The following TRPM3 variants were observed in gnomAD, a reference collection of about 807,000 sequenced individuals.
The protein encoded by TRPM3 is transient receptor potential cation channel subfamily M member 3.
TRPM3 carries 77 observed loss-of-function variants against 181.2 expected under a neutral mutation model. The observed-to-expected ratio is 0.42, with a 90% CI of 0.35 to 0.51. TRPM3 has a LOEUF of 0.51. Among genes scored for constraint, TRPM3 ranks in the 20% least tolerant of loss-of-function variants. The pLI, the probability that TRPM3 is intolerant of heterozygous loss-of-function variation, is 0.01. For missense variants in TRPM3, 1,759 were observed against 2,196.7 expected (o/e 0.80, Z 3.98); for synonymous variants, 745 against 796.4 (o/e 0.94, Z 1.09).
At chr9:70,580,096 TAAAAG>T (rs923751254) in intron 22 of TRPM3, among the ~76,000 whole-genome samples, 8 of 152,210 alleles carry the variant, frequency 5.3e-5, no homozygotes, top group Admixed American at 2.6e-4. Flanking sequence ...TTTTGACTCT[TAAAAG>T]AGAAGGTTGT....
intron 1 of TRPM3, among the ~76,000 whole-genome samples, chr9:71,053,252 G>A (rs563687146): frequency 4.6e-5 from 7 of 152,010 alleles, no homozygotes; most frequent in South Asian, 2.1e-4. Flanking sequence ...TGGTGTAGAC[G>A]ATGACGCCAT....
intron 1 of TRPM3, among the ~76,000 whole-genome samples, chr9:71,317,384 A>C (rs1175842451): frequency 2.0e-5 from 3 of 152,216 alleles, no homozygotes; most frequent in Non-Finnish European, 4.4e-5. Context: ...CTGTAATCCC[A>C]GCACTTTGGG....
chr9:70,849,204 G>T (rs2095120857), intron 3 of TRPM3, among the ~76,000 whole-genome samples: 1 of 152,114 alleles, frequency 6.6e-6, no homozygotes, highest in African/African-American at 2.4e-5. Flanking sequence ...GAACACAATG[G>T]CATGATCTCG....
At chr9:70,740,321 T>C (rs1372639697) in intron 8 of TRPM3, among the ~76,000 whole-genome samples, 2 of 152,098 alleles carry the variant, frequency 1.3e-5, no homozygotes, top group Non-Finnish European at 2.9e-5. Flanking sequence ...AAATCATAGA[T>C]GACACAAAAA....
chr9:70,832,163 G>A (rs2093977064), intron 5 of TRPM3, among the ~76,000 whole-genome samples: 1 of 116,824 alleles, frequency 8.6e-6, no homozygotes. Context: ...GAGGGGGGAG[G>A]GATAGCATTG....
rs551152976 is a variant in TRPM3, at chr9:70,698,952, G to A, written c.1273-17374C>T. Among the ~76,000 whole-genome samples, 10 of 151,548 alleles carry A rather than the reference G, an allele frequency of 6.6e-5. No individual in the cohort carries two copies. The South Asian group carries it at 1.9e-3, about 29-fold the overall frequency. Reference sequence around the variant, plus strand: ...GGAACCATGAGCCAATTAAACCTCTGTTCTTTATAAATTACCCAGTCTCAG... The same window carrying A: ...GGAACCATGAGCCAATTAAACCTCTATTCTTTATAAATTACCCAGTCTCAG... On this transcript the variant is annotated intron_variant, in intron 8 of 25. Transcript: ENST00000677713.
chr9:70,569,773 G>A (rs919273377), intron 22 of TRPM3, among the ~76,000 whole-genome samples: 2 of 152,200 alleles, frequency 1.3e-5, no homozygotes, highest in Non-Finnish European at 1.5e-5. Flanking sequence ...CAGGTTTACA[G>A]GGCCAGCTGG....
chr9:70,673,873 T>C (rs1221448419), intron 9 of TRPM3, among the ~76,000 whole-genome samples: 1 of 143,680 alleles, frequency 7.0e-6, no homozygotes, highest in Non-Finnish European at 1.5e-5. Context: ...CACTTGAACC[T>C]GGGAGATGGA....
At chr9:71,217,314 T>A (rs1457384838) in intron 1 of TRPM3, among the ~76,000 whole-genome samples, 1 of 152,162 alleles carries the variant, frequency 6.6e-6, no homozygotes, top group African/African-American at 2.4e-5. Flanking sequence ...GGGTTCATGG[T>A]CATATTTAGC....
chr9:71,080,967 C>G (rs2064223641), intron 1 of TRPM3, among the ~76,000 whole-genome samples: 2 of 152,036 alleles, frequency 1.3e-5, no homozygotes, highest in African/African-American at 4.8e-5. Context: ...CTGGAATCAA[C>G]TGTGTACCTC....
chr9:71,262,967 C>T (rs1266870113), intron 1 of TRPM3, among the ~76,000 whole-genome samples: 5 of 152,212 alleles, frequency 3.3e-5, no homozygotes, highest in Admixed American at 2.6e-4. Context: ...TGGCCATCTC[C>T]TTTACCTTTA....
At chr9:71,269,529 T>C (rs1371000667) in intron 1 of TRPM3, among the ~76,000 whole-genome samples, 1 of 152,208 alleles carries the variant, frequency 6.6e-6, no homozygotes, top group Non-Finnish European at 1.5e-5. Flanking sequence ...AACTACTTTA[T>C]AAAGAGCAAG....
intron 1 of TRPM3, among the ~76,000 whole-genome samples, chr9:71,437,047 G>A (rs1387169079): frequency 6.6e-6 from 1 of 152,076 alleles, no homozygotes; most frequent in Non-Finnish European, 1.5e-5. Context: ...TGAATACAAT[G>A]CCCCAATTAA....
intron 1 of TRPM3, among the ~76,000 whole-genome samples, chr9:71,015,895 G>C (rs145865978): frequency 6.6e-6 from 1 of 151,848 alleles, no homozygotes; most frequent in Non-Finnish European, 1.5e-5. Flanking sequence ...TAATTCACAA[G>C]AGAGGTAAAA....
At chr9:70,634,034 A>G (rs1056663324) in intron 12 of TRPM3, among the ~76,000 whole-genome samples, 1 of 152,214 alleles carries the variant, frequency 6.6e-6, no homozygotes, top group Non-Finnish European at 1.5e-5. Context: ...AAGAACAACC[A>G]CTTGGCTAAG....
intron 1 of TRPM3, among the ~76,000 whole-genome samples, chr9:70,949,017 A>T (rs781573568): frequency 6.6e-5 from 10 of 152,196 alleles, no homozygotes; most frequent in Middle Eastern, 6.8e-3. Context: ...CAACAATTAG[A>T]CTTAAATGTA....
At chr9:71,213,137 C>T (rs2079613812) in intron 1 of TRPM3, among the ~76,000 whole-genome samples, 1 of 152,168 alleles carries the variant, frequency 6.6e-6, no homozygotes, top group Non-Finnish European at 1.5e-5. Flanking sequence ...ATCTCTGTTG[C>T]AACTATTCCA....
chr9:71,026,956 T>C (rs1244737253), intron 1 of TRPM3, among the ~76,000 whole-genome samples: 2 of 152,190 alleles, frequency 1.3e-5, no homozygotes, highest in Non-Finnish European at 2.9e-5. Flanking sequence ...CTGCTGCTGC[T>C]GAGCACGCAC....
intron 1 of TRPM3, among the ~76,000 whole-genome samples, chr9:71,263,650 G>T (rs2083206563): frequency 6.6e-6 from 1 of 152,166 alleles, no homozygotes; most frequent in Non-Finnish European, 1.5e-5. Context: ...AAGTAAAGCT[G>T]TGTGTTGATT....
Sources: allele counts gnomAD v4.1 joint callset (sites outside exome capture counted in the v4.1 genomes callset), GRCh38; gene constraint gnomAD v4.1.1; transcripts MANE v1.5; gene names NCBI Gene and HGNC (gene_info 2026-07-23, HGNC 2026-07-21).